NBEA: variants seen among roughly 807,000 people sequenced by gnomAD.
NBEA encodes lysosomal-trafficking regulator 2.
In NBEA, 44 loss-of-function variants were observed where a neutral mutation model predicts 343.4. The observed-to-expected ratio is 0.13, with a 90% CI of 0.10 to 0.16. The LOEUF (loss-of-function observed/expected upper bound fraction) is 0.16, where lower values mean the gene tolerates loss of function less well. NBEA is among the 10% of genes least tolerant of loss of function. The pLI is 1.00. For missense variants in NBEA, 2,555 were observed against 3,631.3 expected, an observed-to-expected ratio of 0.70 and a Z score of 7.62; for synonymous variants, 1,175 against 1,238.7, an observed-to-expected ratio of 0.95 and a Z score of 1.08.
At chr13:35,494,250 T>A (rs1482591212) in intron 41 of NBEA, among the ~76,000 whole-genome samples, 3 of 151,976 alleles carry the variant, frequency 2.0e-5, no homozygotes, top group African/African-American at 4.8e-5. Flanking sequence ...CAGTGAGATA[T>A]GTCAGAAGAC....
chr13:35,190,770 G>A (rs915816121), intron 30 of NBEA, among the ~76,000 whole-genome samples: 4 of 152,050 alleles, frequency 2.6e-5, no homozygotes, highest in Admixed American at 6.6e-5. Context: ...TACACAGGGG[G>A]AACAAAGCAG....
At chr13:35,029,625 T>C (rs2062134869) in intron 1 of NBEA, among the ~76,000 whole-genome samples, 1 of 151,622 alleles carries the variant, frequency 6.6e-6, no homozygotes, top group African/African-American at 2.4e-5. Context: ...TTGATTTAAA[T>C]AATGAACATT....
intron 34 of NBEA, among the ~76,000 whole-genome samples, chr13:35,250,664 T>C (rs2031847927): frequency 6.6e-6 from 1 of 152,196 alleles, no homozygotes; most frequent in African/African-American, 2.4e-5. Context: ...CTTGGGAATA[T>C]ACCATGGAAT....
At chr13:34,969,173 G>T (rs2059919480) in intron 1 of NBEA, among the ~76,000 whole-genome samples, 1 of 151,986 alleles carries the variant, frequency 6.6e-6, no homozygotes, top group Non-Finnish European at 1.5e-5. Flanking sequence ...AGAGCCTTGG[G>T]TTGGAGTTTT....
intron 30 of NBEA, chr13:35,185,144 T>C (rs2071603730): frequency 6.6e-6 from 1 of 152,136 alleles, no homozygotes; most frequent in South Asian, 2.1e-4. Flanking sequence ...GACCATCTTA[T>C]TGCTTAGATG....
chr13:35,246,284 C>T (rs1404503719), intron 34 of NBEA, among the ~76,000 whole-genome samples: 2 of 152,080 alleles, frequency 1.3e-5, no homozygotes, highest in South Asian at 4.1e-4. Context: ...CTTTTTCTGG[C>T]AATTCAGGGA....
chr13:35,568,386 A>T (rs550931642), intron 45 of NBEA, among the ~76,000 whole-genome samples: 43 of 152,308 alleles, frequency 2.8e-4, no homozygotes, highest in Middle Eastern at 3.4e-3. Flanking sequence ...AATGAATTCT[A>T]ATACGCTTGC....
chr13:35,526,508 C>T (rs2077983029), intron 41 of NBEA, among the ~76,000 whole-genome samples: 1 of 152,144 alleles, frequency 6.6e-6, no homozygotes, highest in African/African-American at 2.4e-5. Context: ...TTTGGTGATG[C>T]ACGCCTCTGG....
At chr13:35,118,167 C>CT in intron 14 of NBEA, 61 bp from the exon 15 acceptor site, 1 of 1,112,914 alleles carries the variant, frequency 9.0e-7, no homozygotes, top group Admixed American at 2.9e-5. Context: ...ATTTTGACAT[C>CT]TTTTTTAAAT....
chr13:35,068,175 A>T (rs2063726777), intron 8 of NBEA, among the ~76,000 whole-genome samples: 1 of 152,184 alleles, frequency 6.6e-6, no homozygotes, highest in Non-Finnish European at 1.5e-5. Context: ...TAAAACTTGT[A>T]GATTTATTAC....
chr13:35,408,425 C>T (rs1174900407), intron 38 of NBEA, among the ~76,000 whole-genome samples: 1 of 152,136 alleles, frequency 6.6e-6, no homozygotes, highest in African/African-American at 2.4e-5. Flanking sequence ...ATAGCCTAGG[C>T]AATACCATTC....
At chr13:35,598,278 G>C (rs1017137915) in intron 47 of NBEA, among the ~76,000 whole-genome samples, 1 of 152,168 alleles carries the variant, frequency 6.6e-6, no homozygotes, top group African/African-American at 2.4e-5. Context: ...TAGCAGTTCT[G>C]AAACGCAGCC....
At chr13:35,628,387 A>G (rs1396230106) in intron 49 of NBEA, 139 bp downstream of exon 49, 25 of 644,184 alleles carry the variant, frequency 3.9e-5, no homozygotes, top group Non-Finnish European at 5.2e-5. Flanking sequence ...ACATATGTGG[A>G]AAAATTGAAA....
intron 1 of NBEA, among the ~76,000 whole-genome samples, chr13:34,950,435 T>G (rs1443912892): frequency 6.6e-6 from 1 of 152,082 alleles, no homozygotes; most frequent in Non-Finnish European, 1.5e-5. Context: ...TCATTTTGCC[T>G]TAAGCCAGTT....
chr13:35,073,877 G>A (rs989518607), intron 10 of NBEA, among the ~76,000 whole-genome samples: 2 of 152,124 alleles, frequency 1.3e-5, no homozygotes, highest in Non-Finnish European at 2.9e-5. Flanking sequence ...AGGAGGTGGA[G>A]GTTGCCATCA....
chr13:35,187,410 A>G (rs2071797663), intron 30 of NBEA, among the ~76,000 whole-genome samples: 1 of 151,422 alleles, frequency 6.6e-6, no homozygotes, highest in African/African-American at 2.4e-5. Flanking sequence ...ACAATTTTGG[A>G]AATAACACTA....
chr13:35,148,998 T>C (rs1210311877), intron 18 of NBEA, among the ~76,000 whole-genome samples: 1 of 152,230 alleles, frequency 6.6e-6, no homozygotes, highest in Non-Finnish European at 1.5e-5. Flanking sequence ...ATTTTATCAG[T>C]AAATTTAAGA....
At chr13:34,972,488 A>G (rs2060029803) in intron 1 of NBEA, among the ~76,000 whole-genome samples, 1 of 152,158 alleles carries the variant, frequency 6.6e-6, no homozygotes. Context: ...CTCTCTTAAC[A>G]CTGCCTTAGC....
intron 13 of NBEA, among the ~76,000 whole-genome samples, chr13:35,113,748 G>A (rs966694451): frequency 1.2e-4 from 18 of 152,148 alleles, no homozygotes; most frequent in African/African-American, 3.9e-4. Flanking sequence ...GAGCCATAAG[G>A]TCTCTGTTGC....
Sources: gnomAD v4.1 joint callset for allele counts (sites outside exome capture counted in the v4.1 genomes callset) on GRCh38, gnomAD v4.1.1 for gene constraint, MANE v1.5 for transcripts, NCBI Gene and HGNC (gene_info 2026-07-23, HGNC 2026-07-21) for gene names.